The following ABHD17B variants were observed in gnomAD, a reference collection of about 807,000 sequenced individuals.
ABHD17B encodes abhydrolase domain containing 17B, depalmitoylase, also known as alpha/beta hydrolase domain-containing protein 17B.
A neutral mutation model predicts 26.2 loss-of-function variants in ABHD17B; 9 were observed. That is an observed-to-expected ratio of 0.34 (90% CI 0.21 to 0.60). The LOEUF (loss-of-function observed/expected upper bound fraction) is 0.60, where lower values mean the gene tolerates loss of function less well. Ranked by LOEUF, ABHD17B falls within the 20% of genes least tolerant of loss-of-function variation. The pLI, the probability that ABHD17B is intolerant of heterozygous loss-of-function variation, is 0.80. For missense variants in ABHD17B, 224 were observed against 352.1 expected (o/e 0.64, Z 2.91); for synonymous variants, 127 against 122.3 (o/e 1.04, Z -0.25).
chr9:71,868,976 A>C (rs1291487607), intron 3 of ABHD17B, among the ~76,000 whole-genome samples: 1 of 152,210 alleles, frequency 6.6e-6, no homozygotes, highest in Non-Finnish European at 1.5e-5. Flanking sequence ...GGCGTGAACC[A>C]CTGTGCCTGG....
At chr9:71,907,845 T>G (rs538001250) in intron 1 of ABHD17B, among the ~76,000 whole-genome samples, 4 of 152,266 alleles carry the variant, frequency 2.6e-5, no homozygotes, top group South Asian at 4.1e-4. Context: ...TAGTTTTGTT[T>G]GTTTAACTGG....
At chr9:71,881,666 TC>T (rs1324590956) in intron 1 of ABHD17B, among the ~76,000 whole-genome samples, 1 of 152,136 alleles carries the variant, frequency 6.6e-6, no homozygotes, top group Non-Finnish European at 1.5e-5. Flanking sequence ...GGCGGACGGA[TC>T]ATGAGGTCAG....
intron 1 of ABHD17B, among the ~76,000 whole-genome samples, chr9:71,902,088 T>A (rs551202506): frequency 1.3e-5 from 2 of 152,322 alleles, no homozygotes; most frequent in East Asian, 3.9e-4. Flanking sequence ...GTTCCTTTTT[T>A]GTTGATAAAA....
intron 1 of ABHD17B, among the ~76,000 whole-genome samples, chr9:71,901,915 C>G (rs1564074088): frequency 6.6e-6 from 1 of 152,168 alleles, no homozygotes; most frequent in Non-Finnish European, 1.5e-5. Flanking sequence ...CTTTCAAGCC[C>G]TCTTAAATAA....
intron 1 of ABHD17B, among the ~76,000 whole-genome samples, chr9:71,878,442 G>A (rs1465635239): frequency 6.6e-6 from 1 of 152,022 alleles, no homozygotes. Flanking sequence ...AGAATTAAAG[G>A]GGGAAAAAAA....
rs573608768 is a variant in ABHD17B, at chr9:71,867,044, T to C, written c.648-38A>G. 3.1e-6 allele frequency: 5 copies of C among 1,600,044 alleles called. No individual in the cohort carries two copies. In the East Asian group the frequency reaches 6.7e-5, roughly 21 times the overall value. On this transcript the variant is annotated intron_variant, in intron 3 of 3. Transcript: ENST00000333421. ...AGGAAGGGGGAAAAATGCAATAAAT[T>C]AACTATGTAAAGGAACATATTCTTG...
At chr9:71,877,878 T>G (rs939015505) in intron 1 of ABHD17B, among the ~76,000 whole-genome samples, 2 of 152,106 alleles carry the variant, frequency 1.3e-5, no homozygotes, top group East Asian at 3.9e-4. Context: ...CAACTTCACT[T>G]CCTTAATGCT....
In ABHD17B at chr9:71,865,214, CTTGATATACT is replaced by C; in HGVS notation, c.*1563_*1572del. 2 of 985,490 alleles carry C rather than the reference CTTGATATACT, an allele frequency of 2.0e-6. No homozygotes were observed. The highest frequency in any genetic ancestry group is 2.4e-6 in the Non-Finnish European group (2 of 829,822). 61.0% of individuals were successfully genotyped at this position (985,490 alleles called of 1,614,324 possible). A position where few individuals can be genotyped will look rare whatever the true frequency, so the allele number is the denominator to read the frequency against. On this transcript the variant is annotated 3_prime_UTR_variant, in exon 4 of 4. Transcript: ENST00000333421. ...CATCTGAACCAAAGCATTCACAATA[CTTGATATACT>C]TTGAAGAGAGTCATATACTATAGTC...
chr9:71,897,302 G>A (rs2132193282), intron 1 of ABHD17B, among the ~76,000 whole-genome samples: 1 of 94,496 alleles, frequency 1.1e-5, no homozygotes, highest in African/African-American at 3.6e-5. Context: ...AGGCCAAGGT[G>A]GAAGGATCAC....
In ABHD17B at chr9:71,874,628, A is replaced by T. The variant is rs1380137186; in HGVS notation, c.453T>A (p.Leu151=). Residue 151 remains leucine, a synonymous_variant, in exon 2 of 4, where the codon CTT becomes CTA. Coordinates refer to ENST00000333421, the MANE Select transcript of ABHD17B (RefSeq NM_001025780.3). The part of the protein sequence containing the change: ...NLYADIEAAW[L]ALRTRYGIRP... The stretch of plus-strand genomic sequence containing the variant: ...CCACAATTTACCTTGTCCTAAGAGC[A>T]AGCCAAGCAGCTTCAATGTCTGCAT... 6.3e-7 allele frequency: 1 copy of T among 1,579,674 alleles called. No homozygotes were observed. Among genetic ancestry groups the T allele is most frequent in the Non-Finnish European group, 8.6e-7 (1 of 1,162,818 alleles).
chr9:71,866,781 A>T lies in ABHD17B; in HGVS notation c.*6T>A, dbSNP rs1390014631. ...GGAAAACCCAGTAGCAAATTTACAG[A>T]ATATTTTACAAATTTACCAGTTCCT... On this transcript the variant is annotated 3_prime_UTR_variant, in exon 4 of 4. Transcript: ENST00000333421. 6.2e-7 allele frequency: 1 copy of T among 1,613,766 alleles called. No homozygotes were observed. Among genetic ancestry groups the T allele is most frequent in the African/African-American group, 1.3e-5 (1 of 74,932 alleles).
chr9:71,886,405 T>C (rs939302421), intron 1 of ABHD17B, among the ~76,000 whole-genome samples: 41 of 124,374 alleles, frequency 3.3e-4, no homozygotes, highest in Middle Eastern at 8.2e-3. Flanking sequence ...CTGGGCAACA[T>C]AGGGAGACCC....
intron 2 of ABHD17B, among the ~76,000 whole-genome samples, chr9:71,873,941 G>C (rs1266402251): frequency 6.6e-6 from 1 of 152,096 alleles, no homozygotes; most frequent in Non-Finnish European, 1.5e-5. Flanking sequence ...ATTCCAATAA[G>C]GTATCTTTAA....
intron 1 of ABHD17B, among the ~76,000 whole-genome samples, chr9:71,897,992 AT>A (rs1320277766): frequency 2.6e-5 from 4 of 152,136 alleles, no homozygotes; most frequent in Middle Eastern, 3.4e-3. Flanking sequence ...CTTTTCATAC[AT>A]TTTTTTTCAG....
intron 1 of ABHD17B, among the ~76,000 whole-genome samples, chr9:71,903,605 G>C (rs1463644115): frequency 6.6e-6 from 1 of 152,148 alleles, no homozygotes; most frequent in African/African-American, 2.4e-5. Context: ...CTAGCATAAA[G>C]ACATTCTATA....
chr9:71,876,573 C>T (rs1406230113), intron 1 of ABHD17B, among the ~76,000 whole-genome samples: 1 of 151,468 alleles, frequency 6.6e-6, no homozygotes, highest in Non-Finnish European at 1.5e-5. Context: ...AAACCAACAC[C>T]TTACAGGTTT....
chr9:71,875,172 T>C lies in ABHD17B; in HGVS notation c.-3-89A>G, dbSNP rs548464251. ...TTAAAACACAGACATGGGTAAATTT[T>C]ATTGGTGGTTAATGACTATTACTAT... On this transcript the variant is annotated intron_variant, in intron 1 of 3. Transcript: ENST00000333421. 3.0e-6 allele frequency: 3 copies of C among 999,656 alleles called. No homozygotes were observed. The South Asian group carries it at 4.9e-5, about 16-fold the overall frequency. The allele number at this position is 999,656 out of a possible 1,614,324, so 61.9% of individuals were successfully genotyped here.
At chr9:71,898,058 T>C (rs994231382) in intron 1 of ABHD17B, among the ~76,000 whole-genome samples, 3 of 152,310 alleles carry the variant, frequency 2.0e-5, no homozygotes, top group South Asian at 4.1e-4. Context: ...AGATGCCTAA[T>C]ATAAGAAAAT....
chr9:71,896,324 T>C (rs1279021961), intron 1 of ABHD17B, among the ~76,000 whole-genome samples: 4 of 152,196 alleles, frequency 2.6e-5, no homozygotes, highest in African/African-American at 9.6e-5. Context: ...TAGAATTGCA[T>C]AAAATTGCAG....
Sources: allele counts gnomAD v4.1 joint callset (sites outside exome capture counted in the v4.1 genomes callset), GRCh38; gene constraint gnomAD v4.1.1; transcripts MANE v1.5; gene names NCBI Gene and HGNC (gene_info 2026-07-23, HGNC 2026-07-21).